Variants in PPARGC1B observed in about 807,000 individuals in gnomAD.
PPARGC1B encodes the protein peroxisome proliferator-activated receptor gamma coactivator 1-beta.
PPARGC1B carries 34 observed loss-of-function variants against 101.6 expected under a neutral mutation model. The observed-to-expected ratio is 0.33, with a 90% CI of 0.25 to 0.45. The LOEUF is 0.45. PPARGC1B is among the 20% of genes least tolerant of loss of function. The pLI, the probability that PPARGC1B is intolerant of heterozygous loss-of-function variation, is 1.00. For synonymous variants in PPARGC1B, 548 were observed against 539.3 expected, an observed-to-expected ratio of 1.02 and a Z score of -0.22; for missense variants, 1,234 against 1,317.6, an observed-to-expected ratio of 0.94 and a Z score of 0.98.
chr5:149,814,794 G>A (rs915628696), intron 1 of PPARGC1B, among the ~76,000 whole-genome samples: 6 of 152,240 alleles, frequency 3.9e-5, no homozygotes, highest in African/African-American at 1.4e-4. Context: ...TCCACGGCCA[G>A]GGTTATTTAT....
Position 149,797,330 on chromosome 5 carries a change from G to A in PPARGC1B, c.79-23103G>A, listed in dbSNP as rs545558944. On this transcript the variant is annotated intron_variant, in intron 1 of 11. Transcript: ENST00000309241. ...ACATCTTTGTTTTCATGAATCTCTA[G>A]CTGAAATTTAGCATTTCCTTTATGA... Among the ~76,000 whole-genome samples the A allele has an allele frequency of 4.6e-5, 7 of 152,304 alleles. No individual in the cohort carries two copies. The East Asian group carries it at 1.2e-3, about 25-fold the overall frequency.
intron 1 of PPARGC1B, among the ~76,000 whole-genome samples, chr5:149,796,653 A>G (rs1434742324): frequency 6.6e-6 from 1 of 152,134 alleles, no homozygotes; most frequent in Non-Finnish European, 1.5e-5. Flanking sequence ...GGCAGCAGAG[A>G]GAGAGAGATG....
intron 6 of PPARGC1B, 21 bp downstream of exon 6, chr5:149,834,731 G>A: frequency 6.2e-7 from 1 of 1,605,808 alleles, no homozygotes; most frequent in Non-Finnish European, 8.5e-7. Context: ...AGAAATTATT[G>A]GTGTATTGTT....
At position 149,730,924 on chromosome 5, in the gene PPARGC1B, C is replaced by T. The variant is rs924027151; in HGVS notation, c.78+504C>T. 6.6e-6 allele frequency among the ~76,000 whole-genome samples: 1 copy of T among 151,844 alleles called. No homozygotes were observed. The highest frequency in any genetic ancestry group is 1.5e-5 in the Non-Finnish European group (1 of 68,028). The stretch of plus-strand genomic sequence containing the variant: ...TGCTGGCCCCCCGCGGCTTTCTACC[C>T]GCGCCCGCAGCGCGGAGTTTCCTGC... On this transcript the variant is annotated intron_variant, in intron 1 of 11. Transcript: ENST00000309241. This position sits in a 1 kb window ranked among gnomAD's most constrained non-coding sequence, Gnocchi z 4.0.
intron 10 of PPARGC1B, among the ~76,000 whole-genome samples, chr5:149,844,583 G>A (rs1041635042): frequency 1.3e-5 from 2 of 152,244 alleles, no homozygotes; most frequent in Non-Finnish European, 2.9e-5. Context: ...AGGCTACAGT[G>A]AGCTGGGATT....
Position 149,854,333 on chromosome 5 carries a change from G to A in PPARGC1B, c.*6775G>A, listed in dbSNP as rs1393752908. ...GTAAGGCTGTGTTTGTGGTGGGGGTGTGTGTGTGTGTATCTGTGCACACAT... is the reference window on the plus strand; with the variant it reads ...GTAAGGCTGTGTTTGTGGTGGGGGTATGTGTGTGTGTATCTGTGCACACAT... On this transcript the variant is annotated 3_prime_UTR_variant, in exon 12 of 12. Coordinates refer to ENST00000309241, the MANE Select transcript of PPARGC1B (RefSeq NM_133263.4). The A allele has an allele frequency of 6.6e-6, 1 of 150,940 alleles. No homozygotes were observed. The highest frequency in any genetic ancestry group is 2.5e-5 in the African/African-American group (1 of 40,674). The allele number at this position is 150,940 out of a possible 1,614,324, so 9.4% of individuals were successfully genotyped here.
At chr5:149,824,791 G>A (rs1758439837) in intron 2 of PPARGC1B, among the ~76,000 whole-genome samples, 2 of 152,104 alleles carry the variant, frequency 1.3e-5, no homozygotes, top group Admixed American at 6.5e-5. Context: ...ATCTACCCTC[G>A]GGCCTCCATC....
At chr5:149,821,379 G>C (rs543597085) in intron 2 of PPARGC1B, among the ~76,000 whole-genome samples, 1 of 152,296 alleles carries the variant, frequency 6.6e-6, no homozygotes, top group East Asian at 1.9e-4. Flanking sequence ...GGAATAATAT[G>C]ATGTCTGGGG....
intron 3 of PPARGC1B, among the ~76,000 whole-genome samples, chr5:149,828,501 C>T (rs1758616007): frequency 6.6e-6 from 1 of 152,228 alleles, no homozygotes; most frequent in African/African-American, 2.4e-5. Flanking sequence ...TAAATGTGAA[C>T]TAATACTTCT....
intron 1 of PPARGC1B, among the ~76,000 whole-genome samples, chr5:149,772,780 T>C (rs1447808610): frequency 6.6e-6 from 1 of 152,224 alleles, no homozygotes; most frequent in Admixed American, 6.5e-5. Flanking sequence ...ATATGAATTT[T>C]AGGGCAATGC....
At chr5:149,771,232 C>T (rs968651797) in intron 1 of PPARGC1B, among the ~76,000 whole-genome samples, 1 of 152,356 alleles carries the variant, frequency 6.6e-6, no homozygotes, top group South Asian at 2.1e-4. Flanking sequence ...CTGGTCACAC[C>T]TTGGGTCTAG....
intron 1 of PPARGC1B, among the ~76,000 whole-genome samples, chr5:149,778,826 G>A (rs1719150115): frequency 6.6e-6 from 1 of 152,142 alleles, no homozygotes; most frequent in Non-Finnish European, 1.5e-5. Context: ...TTGAAAAAAG[G>A]AAAGTTTTAT....
At chr5:149,830,661 T>C (rs988512116) in intron 3 of PPARGC1B, 106 bp from the exon 4 acceptor site, 5 of 773,572 alleles carry the variant, frequency 6.5e-6, no homozygotes, top group Admixed American at 4.1e-5. Flanking sequence ...GTGTTCTCCC[T>C]GTGGTCCTGT....
At chr5:149,792,265 T>C (rs1757047894) in intron 1 of PPARGC1B, among the ~76,000 whole-genome samples, 1 of 152,170 alleles carries the variant, frequency 6.6e-6, no homozygotes, top group Admixed American at 6.5e-5. Context: ...GCAGGGCTCC[T>C]CCAGTGTCCC....
intron 1 of PPARGC1B, among the ~76,000 whole-genome samples, chr5:149,736,274 T>C (rs1561845056): frequency 6.6e-6 from 1 of 152,168 alleles, no homozygotes. Context: ...AAATGAGCAT[T>C]AACCTGCTAC....
At chr5:149,774,296 G>A (rs1756266213) in intron 1 of PPARGC1B, among the ~76,000 whole-genome samples, 1 of 152,190 alleles carries the variant, frequency 6.6e-6, no homozygotes, top group South Asian at 2.1e-4. Context: ...GTTAAAGTTA[G>A]TGTTGCTGCT....
chr5:149,822,642 C>T (rs1043438586), intron 2 of PPARGC1B, among the ~76,000 whole-genome samples: 1 of 152,246 alleles, frequency 6.6e-6, no homozygotes, highest in Non-Finnish European at 1.5e-5. Flanking sequence ...ACGCAGCTCT[C>T]CTGATGCCTC....
intron 1 of PPARGC1B, among the ~76,000 whole-genome samples, chr5:149,776,580 A>G (rs1352857358): frequency 6.6e-6 from 1 of 152,118 alleles, no homozygotes; most frequent in Non-Finnish European, 1.5e-5. Flanking sequence ...GGGGATCTTG[A>G]GAGCATGTGT....
Position 149,730,816 on chromosome 5 carries a change from G to T in PPARGC1B, c.78+396G>T, listed in dbSNP as rs1580986217. On this transcript the variant is annotated intron_variant, in intron 1 of 11. Coordinates refer to ENST00000309241, the MANE Select transcript of PPARGC1B (RefSeq NM_133263.4). This position sits in a 1 kb window ranked among gnomAD's most constrained non-coding sequence, Gnocchi z 4.0. ...CCGGCACTTGCTGCCGTACTTTCACGTGGACTTGTGGCCCCGGCACGGGTG... is the reference window on the plus strand; with the variant it reads ...CCGGCACTTGCTGCCGTACTTTCACTTGGACTTGTGGCCCCGGCACGGGTG... Among the ~76,000 whole-genome samples, 1 of 152,208 alleles carries T rather than the reference G, an allele frequency of 6.6e-6. No homozygotes were observed. The highest frequency in any genetic ancestry group is 2.4e-5 in the African/African-American group (1 of 41,464).
Sources: gnomAD v4.1 joint callset for allele counts (sites outside exome capture counted in the v4.1 genomes callset) on GRCh38, gnomAD v4.1.1 for gene constraint, Gnocchi (gnomAD v3.1) non-coding constraint, MANE v1.5 for transcripts, NCBI Gene and HGNC (gene_info 2026-07-23, HGNC 2026-07-21) for gene names.